YTHDF3: variants seen among roughly 807,000 people sequenced by gnomAD.
The protein encoded by YTHDF3 is YTH N6-methyladenosine RNA binding protein F3.
Under a neutral mutation model 52.5 loss-of-function variants are expected in YTHDF3, and 9 were observed. The observed-to-expected ratio is 0.17, with a 90% CI of 0.10 to 0.30. The LOEUF (loss-of-function observed/expected upper bound fraction) is 0.30. Ranked by LOEUF, YTHDF3 falls within the 10% of genes least tolerant of loss-of-function variation. YTHDF3 has a pLI of 1.00. For synonymous variants in YTHDF3, 274 were observed against 243.3 expected, an observed-to-expected ratio of 1.13 and a Z score of -1.18; for missense variants, 534 against 715.0, an observed-to-expected ratio of 0.75 and a Z score of 2.89.
chr8:63,191,060 A>G (rs1186104511), intron 4 of YTHDF3, among the ~76,000 whole-genome samples: 2 of 152,206 alleles, frequency 1.3e-5, no homozygotes, highest in African/African-American at 2.4e-5. Flanking sequence ...TTAAAGTACT[A>G]TGTATAAGCC....
chr8:63,169,902 G>C (rs1010601265), intron 2 of YTHDF3, among the ~76,000 whole-genome samples: 2 of 152,190 alleles, frequency 1.3e-5, no homozygotes, highest in Non-Finnish European at 2.9e-5. Flanking sequence ...AGAGAGGTTA[G>C]AACTGAGTAG....
intron 4 of YTHDF3, among the ~76,000 whole-genome samples, chr8:63,198,410 G>A (rs1809377215): frequency 6.6e-6 from 1 of 152,112 alleles, no homozygotes; most frequent in Non-Finnish European, 1.5e-5. Context: ...AGGACTACAG[G>A]TGTGCGCCAC....
chr8:63,187,055 G>A lies in YTHDF3; in HGVS notation c.1044G>A (p.Gln348=). Residue 348 remains glutamine, a synonymous_variant, in exon 4 of 5, where the codon CAG becomes CAA. Transcript: ENST00000539294. ...AQPHQVQPQQ[Q]QLQNRWVAPR... ...CTCACCAAGTGCAGCCTCAACAGCA[G>A]CAGCTGCAGAATCGCTGGGTAGCTC... The A allele has an allele frequency of 6.2e-7, 1 of 1,613,666 alleles. No homozygotes were observed. Among genetic ancestry groups the A allele is most frequent in the Non-Finnish European group, 8.5e-7 (1 of 1,179,698 alleles).
At chr8:63,208,333 C>G (rs1312778869) in intron 4 of YTHDF3, among the ~76,000 whole-genome samples, 1 of 152,124 alleles carries the variant, frequency 6.6e-6, no homozygotes, top group African/African-American at 2.4e-5. Context: ...TAGGTGGTGT[C>G]ACAGAGGATG....
intron 4 of YTHDF3, among the ~76,000 whole-genome samples, chr8:63,188,572 C>G (rs562810218): frequency 4.7e-5 from 7 of 149,098 alleles, no homozygotes; most frequent in African/African-American, 1.7e-4. Flanking sequence ...CTGCCCCTAC[C>G]CCTCTGCCTC....
chr8:63,209,765 T>A lies in YTHDF3; in HGVS notation c.*59T>A. ...TAACGATGTAGACTCTGGAAATGCC[T>A]AATAAGTCAAAGAAGACGTATTAAA... On this transcript the variant is annotated 3_prime_UTR_variant, in exon 5 of 5. Coordinates refer to ENST00000539294, the MANE Select transcript of YTHDF3 (RefSeq NM_152758.6). 6.7e-7 allele frequency: 1 copy of A among 1,497,004 alleles called. No individual in the cohort carries two copies. Among genetic ancestry groups the A allele is most frequent in the Non-Finnish European group, 9.0e-7 (1 of 1,114,600 alleles). The allele number at this position is 1,497,004 out of a possible 1,614,324, so 92.7% of individuals were successfully genotyped here. A position where few individuals can be genotyped will look rare whatever the true frequency, so the allele number is the denominator to read the frequency against.
At chr8:63,208,943 T>C (rs1810208780) in intron 4 of YTHDF3, among the ~76,000 whole-genome samples, 1 of 152,172 alleles carries the variant, frequency 6.6e-6, no homozygotes, top group South Asian at 2.1e-4. Context: ...TCTTGGCTCA[T>C]GGCAACCTCC....
intron 4 of YTHDF3, among the ~76,000 whole-genome samples, chr8:63,198,481 G>A (rs1809381217): frequency 6.6e-6 from 1 of 152,160 alleles, no homozygotes; most frequent in Non-Finnish European, 1.5e-5. Context: ...TGGCCAGGCT[G>A]GTCTCAAACT....
chr8:63,173,201 T>TA (rs751560345), intron 2 of YTHDF3, among the ~76,000 whole-genome samples: 11,510 of 141,098 alleles, frequency 0.082, 828 homozygotes, highest in East Asian at 0.37. Context: ...CAGGATTATA[T>TA]TTATATATAT....
intron 4 of YTHDF3, among the ~76,000 whole-genome samples, chr8:63,191,075 T>A (rs1251093481): frequency 1.3e-5 from 2 of 152,240 alleles, no homozygotes; most frequent in Non-Finnish European, 2.9e-5. Context: ...TAAGCCTTGC[T>A]TTACAGTTAT....
chr8:63,170,929 G>A, intron 2 of YTHDF3, among the ~76,000 whole-genome samples: 1 of 152,138 alleles, frequency 6.6e-6, no homozygotes, highest in East Asian at 1.9e-4. Flanking sequence ...GGTAGGCACT[G>A]GTGGCATCTT....
chr8:63,186,783 G>A lies in YTHDF3; in HGVS notation c.772G>A (p.Val258Met). 1 of 1,614,000 alleles carries A rather than the reference G, an allele frequency of 6.2e-7. No homozygotes were observed. Among genetic ancestry groups the A allele is most frequent in the Non-Finnish European group, 8.5e-7 (1 of 1,179,882 alleles). Residue 258 changes from valine to methionine, a missense_variant, in exon 4 of 5, where the codon GTG (valine) becomes ATG (methionine). Transcript: ENST00000539294. ...PQPKLKPKGN[V>M]GIGGSAVPPP... is the part of the protein sequence containing the mutation. ...ACCGAAACTTAAACCCAAGGGCAAT[G>A]TGGGAATTGGGGGTTCTGCTGTACC...
chr8:63,186,027 A>G, intron 3 of YTHDF3, 120 bp from the exon 4 acceptor site: 1 of 1,091,550 alleles, frequency 9.2e-7, no homozygotes, highest in Non-Finnish European at 1.3e-6. Flanking sequence ...TTGTTTATCT[A>G]GAATAGGTAC....
At chr8:63,173,260 T>C (rs1807466550) in intron 2 of YTHDF3, among the ~76,000 whole-genome samples, 1 of 144,276 alleles carries the variant, frequency 6.9e-6, no homozygotes, top group Admixed American at 7.0e-5. Flanking sequence ...TTTTTTTAAA[T>C]AGAGGCAGAG....
Position 63,187,100 on chromosome 8 carries a change from C to G in YTHDF3, c.1089C>G (p.Gly363=). Reference sequence around the variant, plus strand: ...TAGCTCCTCGTAACAGGGGAGCAGGCTTCAACCAGAACAATGGAGCGGGCA... The same window carrying G: ...TAGCTCCTCGTAACAGGGGAGCAGGGTTCAACCAGAACAATGGAGCGGGCA... ...RWVAPRNRGA[G]FNQNNGAGSE... Residue 363 remains glycine (G), a synonymous_variant, in exon 4 of 5, where the codon GGC becomes GGG. Transcript: ENST00000539294. 1 of 1,613,846 alleles carries G rather than the reference C, an allele frequency of 6.2e-7. No individual in the cohort carries two copies. Among genetic ancestry groups the G allele is most frequent in the Non-Finnish European group, 8.5e-7 (1 of 1,179,846 alleles).
intron 2 of YTHDF3, among the ~76,000 whole-genome samples, chr8:63,174,197 G>A (rs1314718142): frequency 1.3e-5 from 2 of 152,152 alleles, no homozygotes; most frequent in Non-Finnish European, 2.9e-5. Context: ...TAAATCTTTA[G>A]ATACTGAGTT....
intron 2 of YTHDF3, chr8:63,172,768 C>G: frequency 8.1e-7 from 1 of 1,231,472 alleles, no homozygotes; most frequent in Non-Finnish European, 1.0e-6. Flanking sequence ...GACTCTGTTT[C>G]ATAGAGCAGA....
rs183714958 is a variant in YTHDF3, at chr8:63,204,562, A to G, written c.1735-5121A>G. Among the ~76,000 whole-genome samples, 3 of 152,066 alleles carry G rather than the reference A, an allele frequency of 2.0e-5. No individual in the cohort carries two copies. In the East Asian group the frequency reaches 5.8e-4, roughly 29 times the overall value. On this transcript the variant is annotated intron_variant, in intron 4 of 4. Coordinates refer to ENST00000539294, the MANE Select transcript of YTHDF3 (RefSeq NM_152758.6). ...TATTTAGTAGAGACGGGGTTTCTCC[A>G]TGTTGGTCAGGATGGTCTCGAACTC...
Position 63,186,994 on chromosome 8 carries a change from C to T in YTHDF3, c.983C>T (p.Pro328Leu), listed in dbSNP as rs1808557103. 13 of 1,613,696 alleles carry T rather than the reference C, an allele frequency of 8.1e-6. No individual in the cohort carries two copies. Among genetic ancestry groups the T allele is most frequent in the Non-Finnish European group, 9.3e-6 (11 of 1,179,758 alleles). The change falls in exon 4 of 5, where the codon CCA becomes CTA. Residue 328 changes from proline (P) to leucine (L), a missense_variant. This residue lies in a region of YTHDF3 where 203 missense variants were observed against 201.3 expected (regional missense o/e 1.01). Coordinates refer to ENST00000539294, the MANE Select transcript of YTHDF3 (RefSeq NM_152758.6). ...CAACAGCAGCCTCAACCACCACAAC[C>T]ACAGCAGCAACAAGGACCTCAGCCA... ...LPQQQPQPPQ[P>L]QQQQGPQPQA... is the part of the protein sequence containing the mutation.
Sources: gnomAD v4.1 joint callset for allele counts (sites outside exome capture counted in the v4.1 genomes callset) on GRCh38, gnomAD v4.1.1 for gene constraint, gnomAD v4.1.1 regional missense constraint, MANE v1.5 for transcripts, NCBI Gene and HGNC (gene_info 2026-07-23, HGNC 2026-07-21) for gene names.